Variants in AFAP1L2 observed in about 807,000 individuals in gnomAD.
AFAP1L2 encodes the protein actin filament associated protein 1 like 2, also known as actin filament-associated protein 1-like 2.
In AFAP1L2, 46 loss-of-function variants were observed where a neutral mutation model predicts 99.3. That is an observed-to-expected ratio of 0.46 (90% CI 0.37 to 0.59). The LOEUF is 0.59. Among genes scored for constraint, AFAP1L2 ranks in the 20% least tolerant of loss-of-function variants. The pLI is 0.00. For synonymous variants in AFAP1L2, 397 were observed against 419.1 expected, an observed-to-expected ratio of 0.95 and a Z score of 0.64; for missense variants, 959 against 1,034.9, an observed-to-expected ratio of 0.93 and a Z score of 1.01.
In AFAP1L2 at chr10:114,344,046, A is replaced by C. The variant is rs1362600375; in HGVS notation, c.17-3315T>G. Among the ~76,000 whole-genome samples the C allele has an allele frequency of 4.6e-5, 7 of 152,218 alleles. 1 individual carries two copies. In the East Asian group the frequency reaches 1.3e-3, roughly 29 times the overall value. On this transcript the variant is annotated intron_variant, in intron 1 of 18. Coordinates refer to ENST00000304129, the MANE Select transcript of AFAP1L2 (RefSeq NM_001001936.3). The stretch of plus-strand genomic sequence containing the variant: ...CTGAGATAAAGTGAGGAGGGACCAT[A>C]ATCTAGCCTTATAAATGAGAGCCCT...
At chr10:114,347,847 T>C (rs1298120347) in intron 1 of AFAP1L2, among the ~76,000 whole-genome samples, 1 of 152,194 alleles carries the variant, frequency 6.6e-6, no homozygotes, top group Non-Finnish European at 1.5e-5. Context: ...ATTTACTACT[T>C]TAACCATCTT....
At chr10:114,308,319 G>C (rs182301666) in intron 9 of AFAP1L2, 114 bp downstream of exon 9, 89 of 882,242 alleles carry the variant, frequency 1.0e-4, no homozygotes, top group Non-Finnish European at 1.5e-4. Flanking sequence ...TTTCCGAGTG[G>C]TTTATTAATA....
chr10:114,338,217 A>G (rs1364143718), intron 2 of AFAP1L2, among the ~76,000 whole-genome samples: 1 of 152,164 alleles, frequency 6.6e-6, no homozygotes. Flanking sequence ...TTCAGGTTGG[A>G]CACAAAGAAG....
At chr10:114,395,291 G>C (rs2057575981) in intron 1 of AFAP1L2, among the ~76,000 whole-genome samples, 1 of 152,198 alleles carries the variant, frequency 6.6e-6, no homozygotes, top group Non-Finnish European at 1.5e-5. Context: ...ACCATTGTGA[G>C]CTGATAAGGA....
At chr10:114,287,350 GTT>G in the AFAP1L2 span, among the ~76,000 whole-genome samples, 10 of 152,148 alleles carry the variant, frequency 6.6e-5, no homozygotes, top group Non-Finnish European at 1.2e-4. Flanking sequence ...CCAGCTAATT[GTT>G]TTATTTTTTA....
intron 1 of AFAP1L2, 129 bp downstream of exon 1, chr10:114,404,311 G>A (rs1456996857): frequency 2.7e-6 from 3 of 1,109,980 alleles, no homozygotes; most frequent in Non-Finnish European, 3.9e-6. Flanking sequence ...TTAGGCCCAG[G>A]TCCGGGCTGG....
At chr10:114,285,564 G>A in the AFAP1L2 span, among the ~76,000 whole-genome samples, 5 of 152,310 alleles carry the variant, frequency 3.3e-5, no homozygotes, top group East Asian at 1.9e-4. Flanking sequence ...CAATTCTAGC[G>A]TGGCTATAGA....
At chr10:114,285,751 G>A in the AFAP1L2 span, among the ~76,000 whole-genome samples, 1 of 152,248 alleles carries the variant, frequency 6.6e-6, no homozygotes, top group Non-Finnish European at 1.5e-5. Flanking sequence ...GAGACCCTTA[G>A]CGAGTGCCAG....
At chr10:114,283,650 C>T in the AFAP1L2 span, among the ~76,000 whole-genome samples, 1 of 152,220 alleles carries the variant, frequency 6.6e-6, no homozygotes, top group Admixed American at 6.5e-5. Context: ...TCAGCTTCCT[C>T]ATCTGTCATA....
At chr10:114,370,910 C>T (rs1028487049) in intron 1 of AFAP1L2, among the ~76,000 whole-genome samples, 2 of 152,168 alleles carry the variant, frequency 1.3e-5, no homozygotes, top group Admixed American at 6.5e-5. Context: ...CCCATGTAAC[C>T]GTTAAAGCCC....
At chr10:114,375,501 G>A (rs1361127593) in intron 1 of AFAP1L2, among the ~76,000 whole-genome samples, 1 of 152,190 alleles carries the variant, frequency 6.6e-6, no homozygotes, top group African/African-American at 2.4e-5. Flanking sequence ...AATGCTTTGT[G>A]ATACAGATCT....
intron 1 of AFAP1L2, among the ~76,000 whole-genome samples, chr10:114,349,126 C>A (rs1272745397): frequency 6.6e-6 from 1 of 152,000 alleles, no homozygotes; most frequent in Non-Finnish European, 1.5e-5. Flanking sequence ...ACCTGTAACC[C>A]CAGCACTTTG....
At chr10:114,387,990 C>T (rs183077579) in intron 1 of AFAP1L2, among the ~76,000 whole-genome samples, 1 of 152,258 alleles carries the variant, frequency 6.6e-6, no homozygotes, top group Admixed American at 6.5e-5. Flanking sequence ...CATCCCAGCG[C>T]CCCCTTCAGT....
intron 12 of AFAP1L2, chr10:114,302,094 T>A (rs189220384): frequency 3.9e-6 from 2 of 513,756 alleles, no homozygotes; most frequent in African/African-American, 3.8e-5. Context: ...AGAGTCTAAC[T>A]GCCTCTGAGG....
At chr10:114,403,798 A>T (rs1237118311) in intron 1 of AFAP1L2, among the ~76,000 whole-genome samples, 1 of 152,082 alleles carries the variant, frequency 6.6e-6, no homozygotes, top group Non-Finnish European at 1.5e-5. Flanking sequence ...TCGGGTCCGG[A>T]CGCCTCCAGG....
At chr10:114,364,230 C>A (rs2052876721) in intron 1 of AFAP1L2, among the ~76,000 whole-genome samples, 1 of 152,192 alleles carries the variant, frequency 6.6e-6, no homozygotes, top group South Asian at 2.1e-4. Context: ...CTGGCAGTCA[C>A]CCCTCATGTG....
chr10:114,303,857 A>G (rs1412369497), intron 11 of AFAP1L2, among the ~76,000 whole-genome samples: 3 of 152,054 alleles, frequency 2.0e-5, no homozygotes, highest in African/African-American at 7.2e-5. Flanking sequence ...CCAGCCTGTC[A>G]CCCAGACCCC....
At chr10:114,402,528 CTG>C (rs1393148031) in intron 1 of AFAP1L2, among the ~76,000 whole-genome samples, 1 of 152,174 alleles carries the variant, frequency 6.6e-6, no homozygotes, top group Admixed American at 6.5e-5. Context: ...ACTTATCACT[CTG>C]TGTCTGGTTT....
At chr10:114,288,908 C>T in the AFAP1L2 span, 1 of 1,573,512 alleles carries the variant, frequency 6.4e-7, no homozygotes. Flanking sequence ...GGCACATCCA[C>T]TGCTGAAGCC....
Sources: allele counts gnomAD v4.1 joint callset (sites outside exome capture counted in the v4.1 genomes callset), GRCh38; gene constraint gnomAD v4.1.1; transcripts MANE v1.5; gene names NCBI Gene and HGNC (gene_info 2026-07-23, HGNC 2026-07-21).